Variants in EMC9 observed in about 807,000 individuals in gnomAD.
The protein encoded by EMC9 is ER membrane protein complex subunit 9, also known as UPF0172 protein FAM158A.
A neutral mutation model predicts 25.0 loss-of-function variants in EMC9; 20 were observed. The ratio of observed to expected loss-of-function variants is 0.80; its 90% CI spans 0.56 to 1.16. The LOEUF is 1.16. EMC9 is among the 50% of genes most tolerant of loss of function. The probability of loss-of-function intolerance (pLI) is 0.00; values close to 1 mark genes in which losing one functional copy is unlikely to be tolerated. For missense variants in EMC9, 256 were observed against 268.7 expected (o/e 0.95, Z 0.33); for synonymous variants, 100 against 107.0 (o/e 0.93, Z 0.40).
rs985349651 is a variant in EMC9, at chr14:24,141,015, T to A, written c.199-50A>T. ...TAATTAAATTGTGCCGCTGGCTTTGTGGATGCGCACTGCTGCCAAGGGACC... is the reference window on the plus strand; with the variant it reads ...TAATTAAATTGTGCCGCTGGCTTTGAGGATGCGCACTGCTGCCAAGGGACC... On this transcript the variant is annotated intron_variant, in intron 2 of 5. Coordinates refer to ENST00000216799, the MANE Select transcript of EMC9 (RefSeq NM_016049.4). The A allele has an allele frequency of 3.7e-6, 6 of 1,613,976 alleles. No homozygotes were observed. The African/African-American group carries it at 6.7e-5, about 18-fold the overall frequency.
At position 24,139,390 on chromosome 14, in the gene EMC9, C is replaced by A. The variant is rs2037992780; in HGVS notation, c.410G>T (p.Gly137Val). ...CTTATCCTTAGGGACCCAGCGGAGACCTTGGTTCTCCAGGACGATGACCGG... is the reference window on the plus strand; with the variant it reads ...CTTATCCTTAGGGACCCAGCGGAGAACTTGGTTCTCCAGGACGATGACCGG... ...VPPVIVLENQ[G>V]LRWVPKDKNL... The change falls in exon 5 of 6, where the codon GGT becomes GTT. Residue 137 changes from glycine (G) to valine (V), a missense_variant. Gly to Val is a moderately radical substitution (Grantham distance 109). Transcript: ENST00000216799. The surrounding 1 kb of genome is among the most constrained non-coding windows in gnomAD (Gnocchi z 4.6). The A allele has an allele frequency of 1.2e-6, 2 of 1,613,978 alleles. No homozygotes were observed. Among genetic ancestry groups the A allele is most frequent in the South Asian group, 1.1e-5 (1 of 91,088 alleles).
chr14:24,139,883 A>T lies in EMC9; in HGVS notation c.276-269T>A. 1.3e-6 allele frequency: 1 copy of T among 790,318 alleles called. No homozygotes were observed. The highest frequency in any genetic ancestry group is 2.0e-6 in the Non-Finnish European group (1 of 495,358). The allele number at this position is 790,318 out of a possible 1,614,324, so 49.0% of individuals were successfully genotyped here. A position where few individuals can be genotyped will look rare whatever the true frequency, so the allele number is the denominator to read the frequency against. On this transcript the variant is annotated intron_variant, in intron 3 of 5. Coordinates refer to ENST00000216799, the MANE Select transcript of EMC9 (RefSeq NM_016049.4). The surrounding 1 kb of genome is among the most constrained non-coding windows in gnomAD (Gnocchi z 4.6). ...ATTTGGCATAACCATCCAAATTGAA[A>T]CTGTATACATACTATACATATGCTG...
chr14:24,140,800 GC>G, intron 3 of EMC9, 88 bp downstream of exon 3: 1 of 484,740 alleles, frequency 2.1e-6, no homozygotes, highest in South Asian at 1.9e-5. Flanking sequence ...CCCCCGCCCC[GC>G]CCACCGCCCC....
At chr14:24,140,796 C>A (rs2038037205) in intron 3 of EMC9, 93 bp downstream of exon 3, 3 of 1,348,290 alleles carry the variant, frequency 2.2e-6, no homozygotes, top group Non-Finnish European at 3.1e-6. Context: ...TGCGCCCCCG[C>A]CCCGCCCACC....
chr14:24,139,068 C>T lies in EMC9; in HGVS notation c.569G>A (p.Arg190Gln), dbSNP rs531884445. The change falls in exon 6 of 6, where the codon CGG (arginine) becomes CAG (glutamine). Residue 190 changes from arginine to glutamine, a missense_variant. Transcript: ENST00000216799. This position sits in a 1 kb window ranked among gnomAD's most constrained non-coding sequence, Gnocchi z 4.6. ...CCACTGGGTGATTTGAGTGTTGAGC[C>T]GCTGGTTGGTCCAGTCCTGCCGGAT... ...DDIRQDWTNQ[R>Q]LNTQITQWVG... The T allele has an allele frequency of 4.9e-5, 79 of 1,613,946 alleles. No individual in the cohort carries two copies. Among genetic ancestry groups the T allele is most frequent in the South Asian group, 1.3e-4 (12 of 91,060 alleles).
rs780212083 is a variant in EMC9 at position 24,139,148 on chromosome 14, T to C, written c.489A>G (p.Leu163=). The C allele has an allele frequency of 1.2e-6, 2 of 1,614,170 alleles. No individual in the cohort carries two copies. The highest frequency in any genetic ancestry group is 1.1e-5 in the South Asian group (1 of 91,090). Reference sequence around the variant, plus strand: ...GGTGCTGGTGGGCCCGATCTTCCAGTAGAGCTCCCACCATCTGCCGTGACT... The same window carrying C: ...GGTGCTGGTGGGCCCGATCTTCCAGCAGAGCTCCCACCATCTGCCGTGACT... The part of the protein sequence containing the change: ...WEESRQMVGA[L]LEDRAHQHLV... The change falls in exon 6 of 6, where the codon CTA becomes CTG. Residue 163 remains leucine, a synonymous_variant. Coordinates refer to ENST00000216799, the MANE Select transcript of EMC9 (RefSeq NM_016049.4). The surrounding 1 kb of genome is among the most constrained non-coding windows in gnomAD (Gnocchi z 4.6).
At position 24,141,108 on chromosome 14, in the gene EMC9, T is replaced by G. The variant is rs2038048710; in HGVS notation, c.197A>C (p.Gln66Pro). 6.2e-7 allele frequency: 1 copy of G among 1,613,914 alleles called. No homozygotes were observed. Among genetic ancestry groups the G allele is most frequent in the African/African-American group, 1.3e-5 (1 of 74,940 alleles). Residue 66 changes from glutamine (Q) to proline (P), a missense_variant and splice_region_variant, in exon 2 of 6, where the codon CAG becomes CCG. Transcript: ENST00000216799. ...GGGATGGGCATCCAACGGAGGCACC[T>G]GGTTGAGGGCGACCTCCAACATGAC... ...LSVMLEVALN[Q>P]VDVWGAQAGL...
At position 24,139,777 on chromosome 14, in the gene EMC9, T is replaced by G. The variant is rs202202617; in HGVS notation, c.276-163A>C. On this transcript the variant is annotated intron_variant, in intron 3 of 5. Coordinates refer to ENST00000216799, the MANE Select transcript of EMC9 (RefSeq NM_016049.4). The surrounding 1 kb of genome is among the most constrained non-coding windows in gnomAD (Gnocchi z 4.6). ...GCTGGATGCTTGATGCACGACTGCT[T>G]GATGCTTGAGTGCTGTGGGAGACAG... 8.5e-6 allele frequency: 13 copies of G among 1,536,216 alleles called. No individual in the cohort carries two copies. Among genetic ancestry groups the G allele is most frequent in the Non-Finnish European group, 1.1e-5 (12 of 1,136,240 alleles).
intron 3 of EMC9, 94 bp downstream of exon 3, chr14:24,140,795 G>GCCCCCCCCCCCCC: frequency 1.2e-5 from 12 of 1,030,680 alleles, no homozygotes; most frequent in Admixed American, 1.9e-5. Context: ...GTGCGCCCCC[G>GCCCCCCCCCCCCC]CCCCGCCCAC....
Position 24,139,078 on chromosome 14 carries a change from T to G in EMC9, c.559A>C (p.Thr187Pro), listed in dbSNP as rs2037979976. The G allele has an allele frequency of 4.3e-6, 7 of 1,614,034 alleles. No individual in the cohort carries two copies. Among genetic ancestry groups the G allele is most frequent in the Non-Finnish European group, 5.9e-6 (7 of 1,180,030 alleles). The stretch of plus-strand genomic sequence containing the variant: ...ATTTGAGTGTTGAGCCGCTGGTTGG[T>G]CCAGTCCTGCCGGATGTCATCAAGG... ...CHLDDIRQDW[T>P]NQRLNTQITQ... is the part of the protein sequence containing the mutation. Residue 187 changes from threonine (T) to proline (P), a missense_variant, in exon 6 of 6, where the codon ACC becomes CCC. Transcript: ENST00000216799. This position sits in a 1 kb window ranked among gnomAD's most constrained non-coding sequence, Gnocchi z 4.6.
chr14:24,141,066 G>GC (rs1162884620), intron 2 of EMC9, 41 bp downstream of exon 2: 4 of 1,613,696 alleles, frequency 2.5e-6, no homozygotes, highest in Non-Finnish European at 2.5e-6. Flanking sequence ...CTGGGGTGTT[G>GC]GGTGGGTTCG....
rs373811642 is a variant in EMC9 at position 24,139,385 on chromosome 14, G to A, written c.415C>T (p.Arg139Cys). 78 of 1,614,102 alleles carry A rather than the reference G, an allele frequency of 4.8e-5. No individual in the cohort carries two copies. The South Asian group carries it at 5.4e-4, about 11-fold the overall frequency. Residue 139 changes from arginine (R) to cysteine (C), a missense_variant, in exon 5 of 6, where the codon CGC becomes TGC. Arg to Cys is a radical substitution (Grantham distance 180, BLOSUM62 -3). Coordinates refer to ENST00000216799, the MANE Select transcript of EMC9 (RefSeq NM_016049.4). The surrounding 1 kb of genome is among the most constrained non-coding windows in gnomAD (Gnocchi z 4.6). The part of the protein sequence containing the change: ...PVIVLENQGL[R>C]WVPKDKNLVM... The stretch of plus-strand genomic sequence containing the variant: ...AAGTTCTTATCCTTAGGGACCCAGC[G>A]GAGACCTTGGTTCTCCAGGACGATG...
rs2038055706 is a variant in EMC9 at position 24,141,278 on chromosome 14, C to T, written c.27G>A (p.Leu9=). The T allele has an allele frequency of 6.5e-7, 1 of 1,549,724 alleles. No individual in the cohort carries two copies. Among genetic ancestry groups the T allele is most frequent in the African/African-American group, 1.6e-5 (1 of 62,146 alleles). MGEVEISA[L]AYVKMCLHAA... The stretch of plus-strand genomic sequence containing the variant: ...CATGCAGGCACATCTTCACGTAGGC[C>T]AGGGCCGAGATCTCCACCTCCCCCA... Residue 9 remains leucine (L), a synonymous_variant, in exon 2 of 6, where the codon CTG becomes CTA. Coordinates refer to ENST00000216799, the MANE Select transcript of EMC9 (RefSeq NM_016049.4).
In EMC9 at chr14:24,139,072, G is replaced by GGT; in HGVS notation, c.563_564dup (p.Gln189ThrfsTer?). 1 of 1,614,030 alleles carries GGT rather than the reference G, an allele frequency of 6.2e-7. No individual in the cohort carries two copies. The highest frequency in any genetic ancestry group is 8.5e-7 in the Non-Finnish European group (1 of 1,180,042). ...TGGGTGATTTGAGTGTTGAGCCGCT[G>GGT]GTTGGTCCAGTCCTGCCGGATGTCA... On this transcript the variant is annotated frameshift_variant, in exon 6 of 6. Coordinates refer to ENST00000216799, the MANE Select transcript of EMC9 (RefSeq NM_016049.4). LOFTEE classifies it high-confidence loss of function. This position sits in a 1 kb window ranked among gnomAD's most constrained non-coding sequence, Gnocchi z 4.6.
In EMC9 at chr14:24,139,670, A is replaced by C; in HGVS notation, c.276-56T>G. 3 of 1,589,110 alleles carry C rather than the reference A, an allele frequency of 1.9e-6. No individual in the cohort carries two copies. The highest frequency in any genetic ancestry group is 2.6e-6 in the Non-Finnish European group (3 of 1,167,452). On this transcript the variant is annotated intron_variant, in intron 3 of 5. Coordinates refer to ENST00000216799, the MANE Select transcript of EMC9 (RefSeq NM_016049.4). This position sits in a 1 kb window ranked among gnomAD's most constrained non-coding sequence, Gnocchi z 4.6. ...AGCCAACTGTGGGCAAAACCCATCC[A>C]TTTGAGCTGGGCCTCCCAGGTCTCA...
In EMC9 at chr14:24,141,470, A is replaced by C. The variant is rs1439077384; in HGVS notation, c.-45T>G. ...CGGCGACAACGCTAACTCGACTCGC[A>C]GGTAGCCCGCCGGCTCCCGGCGCCC... On this transcript the variant is annotated 5_prime_UTR_variant, in exon 1 of 6. Transcript: ENST00000216799. 1 of 759,576 alleles carries C rather than the reference A, an allele frequency of 1.3e-6. No homozygotes were observed. Among genetic ancestry groups the C allele is most frequent in the East Asian group, 2.7e-5 (1 of 36,978 alleles). The allele number at this position is 759,576 out of a possible 1,614,324, so 47.1% of individuals were successfully genotyped here.
At chr14:24,141,357 CG>C in intron 1 of EMC9, 41 bp from the exon 2 acceptor site, 2 of 1,580,382 alleles carry the variant, frequency 1.3e-6, no homozygotes, top group South Asian at 2.2e-5. Context: ...CCGGATTAGG[CG>C]AGCCGGTGCC....
chr14:24,139,271 A>C lies in EMC9; in HGVS notation c.441-75T>G. On this transcript the variant is annotated intron_variant, in intron 5 of 5. Transcript: ENST00000216799. This position sits in a 1 kb window ranked among gnomAD's most constrained non-coding sequence, Gnocchi z 4.6. The stretch of plus-strand genomic sequence containing the variant: ...CACAGACTTAACAGAGATTGGGTCT[A>C]GAGAAAGACCCTTGGGGCAGGGCCA... 1 of 1,596,830 alleles carries C rather than the reference A, an allele frequency of 6.3e-7. No homozygotes were observed. The highest frequency in any genetic ancestry group is 1.7e-5 in the Admixed American group (1 of 59,282).
Position 24,139,234 on chromosome 14 carries a change from A to G in EMC9, c.441-38T>C, listed in dbSNP as rs1376631805. Reference sequence around the variant, plus strand: ...CCCCCATGGAGGTCAAACAGCAAGTAGTGGGTCCAGACACAGACTTAACAG... The same window carrying G: ...CCCCCATGGAGGTCAAACAGCAAGTGGTGGGTCCAGACACAGACTTAACAG... On this transcript the variant is annotated intron_variant, in intron 5 of 5. Transcript: ENST00000216799. This position sits in a 1 kb window ranked among gnomAD's most constrained non-coding sequence, Gnocchi z 4.6. The G allele has an allele frequency of 6.2e-7, 1 of 1,610,972 alleles. No homozygotes were observed. The highest frequency in any genetic ancestry group is 1.7e-5 in the Admixed American group (1 of 59,956).
Sources: allele counts gnomAD v4.1 joint callset, GRCh38; gene constraint gnomAD v4.1.1; non-coding constraint Gnocchi (gnomAD v3.1); transcripts MANE v1.5; gene names NCBI Gene and HGNC (gene_info 2026-07-23, HGNC 2026-07-21).